UBASH3B: variants seen among roughly 807,000 people sequenced by gnomAD.
The protein encoded by UBASH3B is ubiquitin-associated and SH3 domain-containing protein B.
In UBASH3B, 37 loss-of-function variants were observed where a neutral mutation model predicts 83.4. The ratio of observed to expected loss-of-function variants is 0.44; its 90% CI spans 0.34 to 0.58. UBASH3B has a LOEUF of 0.58. UBASH3B is among the 20% of genes least tolerant of loss of function. The pLI, the probability that UBASH3B is intolerant of heterozygous loss-of-function variation, is 0.01. For missense variants in UBASH3B, 657 were observed against 827.2 expected, an observed-to-expected ratio of 0.79 and a Z score of 2.52; for synonymous variants, 304 against 318.3, an observed-to-expected ratio of 0.96 and a Z score of 0.48.
At chr11:122,751,960 T>A (rs1861206307) in intron 1 of UBASH3B, among the ~76,000 whole-genome samples, 1 of 152,138 alleles carries the variant, frequency 6.6e-6, no homozygotes, top group African/African-American at 2.4e-5. Context: ...AAACTCTATG[T>A]CCTTTTGGCT....
intron 1 of UBASH3B, among the ~76,000 whole-genome samples, chr11:122,711,269 C>T (rs892698785): frequency 1.3e-5 from 2 of 152,238 alleles, no homozygotes; most frequent in Non-Finnish European, 2.9e-5. Context: ...ATCTCCTGTC[C>T]AAACCTTGGA....
Position 122,656,193 on chromosome 11 carries a change from G to A in UBASH3B, c.144G>A (p.Gly48=). The change falls in exon 1 of 14, where the codon GGG becomes GGA. Residue 48 remains glycine (G), a synonymous_variant. Transcript: ENST00000284273. ...GSALDVLLSM[G]FPRARAQKAL... ...CGCTGGACGTGCTCCTCTCCATGGG[G>A]TTCCCCAGAGCCCGCGCGTAAGTGG... is the stretch of plus-strand genomic sequence containing the variant. 6.7e-7 allele frequency: 1 copy of A among 1,501,944 alleles called. No individual in the cohort carries two copies. Among genetic ancestry groups the A allele is most frequent in the Non-Finnish European group, 8.9e-7 (1 of 1,125,226 alleles). 93.0% of individuals were successfully genotyped at this position (1,501,944 alleles called of 1,614,324 possible).
Position 122,655,942 on chromosome 11 carries a change from C to T in UBASH3B, c.-108C>T, listed in dbSNP as rs1045720304. 11 of 1,211,662 alleles carry T rather than the reference C, an allele frequency of 9.1e-6. No homozygotes were observed. Among genetic ancestry groups the T allele is most frequent in the Admixed American group, 3.8e-5 (1 of 26,660 alleles). The allele number at this position is 1,211,662 out of a possible 1,614,324, so 75.1% of individuals were successfully genotyped here. On this transcript the variant is annotated 5_prime_UTR_variant, in exon 1 of 14. Coordinates refer to ENST00000284273, the MANE Select transcript of UBASH3B (RefSeq NM_032873.5). Reference sequence around the variant, plus strand: ...CCGCCTCCGCTGCCGCCGCCTCCTGCCTGGCTCTGGGTCCCCGAGCCCCCT... The same window carrying T: ...CCGCCTCCGCTGCCGCCGCCTCCTGTCTGGCTCTGGGTCCCCGAGCCCCCT...
chr11:122,779,042 G>A (rs538960331), intron 3 of UBASH3B, among the ~76,000 whole-genome samples: 9 of 152,302 alleles, frequency 5.9e-5, no homozygotes, highest in African/African-American at 2.2e-4. Flanking sequence ...GGCATTTGTG[G>A]TGAGAACACT....
At chr11:122,792,931 C>A (rs1266685818) in intron 6 of UBASH3B, among the ~76,000 whole-genome samples, 8 of 148,264 alleles carry the variant, frequency 5.4e-5, no homozygotes, top group Admixed American at 5.4e-4. Context: ...ATCAGTTTTT[C>A]AGGGCATGAG....
chr11:122,706,072 T>G (rs1019715568), intron 1 of UBASH3B, among the ~76,000 whole-genome samples: 7 of 151,986 alleles, frequency 4.6e-5, no homozygotes, highest in Non-Finnish European at 1.0e-4. Flanking sequence ...AAAAAATTCC[T>G]TCTTTATTTA....
intron 6 of UBASH3B, among the ~76,000 whole-genome samples, chr11:122,793,873 G>C (rs191104616): frequency 2.0e-5 from 3 of 152,170 alleles, no homozygotes; most frequent in Admixed American, 1.3e-4. Context: ...TTTGGAGACC[G>C]AAGAGGGTAG....
chr11:122,695,356 A>G (rs1367057374), intron 1 of UBASH3B, among the ~76,000 whole-genome samples: 1 of 152,178 alleles, frequency 6.6e-6, no homozygotes, highest in African/African-American at 2.4e-5. Context: ...AAGGAGCTTG[A>G]AGCTCTGGCA....
chr11:122,769,406 G>T (rs757817686), intron 1 of UBASH3B, among the ~76,000 whole-genome samples: 1 of 152,170 alleles, frequency 6.6e-6, no homozygotes, highest in Non-Finnish European at 1.5e-5. Context: ...ACTTGGTGGG[G>T]TCAAGCAATG....
At chr11:122,801,544 C>G (rs994901882) in intron 11 of UBASH3B, among the ~76,000 whole-genome samples, 3 of 152,184 alleles carry the variant, frequency 2.0e-5, no homozygotes, top group African/African-American at 4.8e-5. Context: ...GATTCTCCAG[C>G]CTCACCCCCG....
At chr11:122,794,978 T>C (rs754293526) in intron 7 of UBASH3B, 144 bp downstream of exon 7, 47 of 1,239,494 alleles carry the variant, frequency 3.8e-5, no homozygotes, top group Non-Finnish European at 4.9e-5. Context: ...ATAAAAGATA[T>C]ACAAAAATTC....
chr11:122,688,649 TA>T (rs1356607163), intron 1 of UBASH3B, among the ~76,000 whole-genome samples: 2 of 139,908 alleles, frequency 1.4e-5, no homozygotes, highest in African/African-American at 5.8e-5. Context: ...TATTTTATTT[TA>T]TTTTATTTTT....
chr11:122,762,347 G>C (rs1046153912), intron 1 of UBASH3B, among the ~76,000 whole-genome samples: 1 of 152,166 alleles, frequency 6.6e-6, no homozygotes, highest in Admixed American at 6.5e-5. Context: ...GGGAGTAAAG[G>C]CTTCAGGGAT....
chr11:122,665,384 G>C (rs141570131), intron 1 of UBASH3B, among the ~76,000 whole-genome samples: 134 of 152,006 alleles, frequency 8.8e-4, no homozygotes, highest in African/African-American at 2.9e-3. Flanking sequence ...TAGAGATGGG[G>C]GTCTCACTAC....
rs377188447 is a variant in UBASH3B, at chr11:122,778,547, T to A, written c.403-950T>A. Among the ~76,000 whole-genome samples, 332 of 128,272 alleles carry A rather than the reference T, an allele frequency of 2.6e-3. 1 individual carries two copies. Among genetic ancestry groups the A allele is most frequent in the African/African-American group, 0.01 (318 of 31,682 alleles). The allele number at this position is 128,272 out of a possible 152,430, so 84.2% of individuals were successfully genotyped here. On this transcript the variant is annotated intron_variant, in intron 3 of 13. Coordinates refer to ENST00000284273, the MANE Select transcript of UBASH3B (RefSeq NM_032873.5). ...GGATGCTGCACTCTCTCCTGTCACA[T>A]TCCTTCATTTTTTTTTTTTTTTCAC... is the stretch of plus-strand genomic sequence containing the variant.
At chr11:122,675,603 G>A (rs1830351929) in intron 1 of UBASH3B, among the ~76,000 whole-genome samples, 1 of 152,216 alleles carries the variant, frequency 6.6e-6, no homozygotes, top group South Asian at 2.1e-4. Context: ...GACAGTTTAT[G>A]TCTGCTTTGC....
At chr11:122,786,929 C>T (rs1860965601) in intron 5 of UBASH3B, among the ~76,000 whole-genome samples, 1 of 152,152 alleles carries the variant, frequency 6.6e-6, no homozygotes, top group East Asian at 1.9e-4. Context: ...TTGTCTGTAA[C>T]CTTAGCTGTG....
chr11:122,716,548 C>A (rs2135940454), intron 1 of UBASH3B, among the ~76,000 whole-genome samples: 1 of 152,186 alleles, frequency 6.6e-6, no homozygotes, highest in African/African-American at 2.4e-5. Flanking sequence ...TGTGTGGCCT[C>A]TTGCATGGGG....
At chr11:122,741,014 C>T (rs914604044) in intron 1 of UBASH3B, among the ~76,000 whole-genome samples, 1 of 152,112 alleles carries the variant, frequency 6.6e-6, no homozygotes, top group Non-Finnish European at 1.5e-5. Context: ...CTTCAAAGCG[C>T]ATATTAACAT....
Sources: allele counts gnomAD v4.1 joint callset (sites outside exome capture counted in the v4.1 genomes callset), GRCh38; gene constraint gnomAD v4.1.1; transcripts MANE v1.5; gene names NCBI Gene and HGNC (gene_info 2026-07-23, HGNC 2026-07-21).